Variants in SPAST observed in about 807,000 individuals in gnomAD.
SPAST encodes spastin.
SPAST carries 30 observed loss-of-function variants against 76.6 expected under a neutral mutation model. That is an observed-to-expected ratio of 0.39 (90% CI 0.29 to 0.53). SPAST has a LOEUF of 0.53. SPAST is among the 20% of genes least tolerant of loss of function. The pLI is 0.68. For synonymous variants in SPAST, 305 were observed against 281.0 expected, an observed-to-expected ratio of 1.09 and a Z score of -0.86; for missense variants, 717 against 770.5, an observed-to-expected ratio of 0.93 and a Z score of 0.82.
intron 1 of SPAST, among the ~76,000 whole-genome samples, chr2:32,070,330 A>G (rs1388252997): frequency 6.6e-6 from 1 of 151,966 alleles, no homozygotes; most frequent in Non-Finnish European, 1.5e-5. Flanking sequence ...AGCCTCCCAA[A>G]GTGCTGGGAT....
chr2:32,144,613 C>T (rs1015948982), intron 14 of SPAST, among the ~76,000 whole-genome samples: 1 of 152,068 alleles, frequency 6.6e-6, no homozygotes, highest in African/African-American at 2.4e-5. Context: ...CAGCTGGGTG[C>T]GGTGGCTCAT....
chr2:32,127,395 G>A (rs1679231804), intron 8 of SPAST: 1 of 252,568 alleles, frequency 4.0e-6, no homozygotes, highest in Admixed American at 5.0e-5. Flanking sequence ...TGGGATTACA[G>A]GCATGAGCCA....
chr2:32,125,316 A>G (rs1326352175), intron 7 of SPAST, among the ~76,000 whole-genome samples: 1 of 151,986 alleles, frequency 6.6e-6, no homozygotes, highest in East Asian at 1.9e-4. Flanking sequence ...CTCCGCCTCC[A>G]GGGTTCAAGC....
chr2:32,063,841 C>T lies in SPAST; in HGVS notation c.10C>T (p.Pro4Ser), dbSNP rs937319046. Residue 4 changes from proline (P) to serine (S), a missense_variant, in exon 1 of 17, where the codon CCG becomes TCG. Physicochemically the swap from Pro to Ser is moderately conservative, Grantham distance 74. Transcript: ENST00000315285. MNS[P>S]GGRGKKKGSG... ...GCAGTGAGAGCTGTGAATGAATTCT[C>T]CGGGTGGACGAGGGAAGAAGAAAGG... The T allele has an allele frequency of 8.2e-6, 13 of 1,576,456 alleles. No individual in the cohort carries two copies. Among genetic ancestry groups the T allele is most frequent in the Non-Finnish European group, 1.1e-5 (13 of 1,168,928 alleles).
At chr2:32,154,208 A>G (rs1275097634) in intron 16 of SPAST, among the ~76,000 whole-genome samples, 166 bp from the exon 17 acceptor site, 1 of 152,230 alleles carries the variant, frequency 6.6e-6, no homozygotes, top group African/African-American at 2.4e-5. Context: ...TAGCAGATCA[A>G]CATAGAAAAT....
chr2:32,131,801 T>C (rs961466953), intron 9 of SPAST, among the ~76,000 whole-genome samples: 8 of 149,790 alleles, frequency 5.3e-5, no homozygotes, highest in Non-Finnish European at 1.2e-4. Flanking sequence ...TAGCTGGGAC[T>C]ACAGGCACCC....
chr2:32,083,919 C>G (rs1677367577), intron 1 of SPAST, among the ~76,000 whole-genome samples: 1 of 150,230 alleles, frequency 6.7e-6, no homozygotes, highest in Non-Finnish European at 1.5e-5. Flanking sequence ...GCTGGGACTA[C>G]AGACACATGC....
At chr2:32,103,572 T>A (rs1381512591) in intron 4 of SPAST, among the ~76,000 whole-genome samples, 1 of 152,210 alleles carries the variant, frequency 6.6e-6, no homozygotes, top group African/African-American at 2.4e-5. Context: ...GTGTCAATTT[T>A]AGATCTTTCC....
intron 12 of SPAST, among the ~76,000 whole-genome samples, chr2:32,138,514 A>AT (rs1679615990): frequency 6.6e-6 from 1 of 151,802 alleles, no homozygotes; most frequent in African/African-American, 2.4e-5. Context: ...CTTTTTACCC[A>AT]TTTTTTAATA....
chr2:32,064,176 C>T lies in SPAST; in HGVS notation c.345C>T (p.Arg115=), dbSNP rs1436219161. The T allele has an allele frequency of 1.3e-6, 2 of 1,551,610 alleles. No homozygotes were observed. Among genetic ancestry groups the T allele is most frequent in the Non-Finnish European group, 1.7e-6 (2 of 1,148,298 alleles). The part of the protein sequence containing the change: ...PAPVPGGEAE[R]VRVFHKQAFE... ...CGGTGCCGGGCGGCGAGGCCGAGCG[C>T]GTCCGAGTCTTCCACAAACAGGCCT... is the stretch of plus-strand genomic sequence containing the variant. The change falls in exon 1 of 17, where the codon CGC becomes CGT. Residue 115 remains arginine, a synonymous_variant. Transcript: ENST00000315285.
Position 32,110,913 on chromosome 2 carries a change from G to A in SPAST, c.683-3725G>A, listed in dbSNP as rs557506453. Among the ~76,000 whole-genome samples, 74 of 61,876 alleles carry A rather than the reference G, an allele frequency of 1.2e-3. 3 individuals are homozygous for A. Among genetic ancestry groups the A allele is most frequent in the Admixed American group, 1.8e-3 (8 of 4,544 alleles). The allele number at this position is 61,876 out of a possible 152,430, so 40.6% of individuals were successfully genotyped here. A position where few individuals can be genotyped will look rare whatever the true frequency, so the allele number is the denominator to read the frequency against. On this transcript the variant is annotated intron_variant, in intron 4 of 16. Coordinates refer to ENST00000315285, the MANE Select transcript of SPAST (RefSeq NM_014946.4). ...GAGTATATATACAGTATACTATATC[G>A]TGTGTATAGAGTATATATACAGTAT...
rs375027118 is a variant in SPAST at position 32,087,517 on chromosome 2, A to G, written c.441A>G (p.Glu147=). The change falls in exon 2 of 17, where the codon GAA becomes GAG. Residue 147 remains glutamate, a synonymous_variant. Transcript: ENST00000315285. The part of the protein sequence containing the change: ...EKAGQKEQAV[E]WYKKGIEELE... ...CAGGACAGAAGGAGCAAGCTGTGGA[A>G]TGGTATAAGAAAGGTATTGAAGAAC... The G allele has an allele frequency of 5.6e-6, 9 of 1,606,972 alleles. No homozygotes were observed. The highest frequency in any genetic ancestry group is 1.3e-5 in the African/African-American group (1 of 74,744).
At chr2:32,096,059 G>A (rs1239564962) in intron 3 of SPAST, among the ~76,000 whole-genome samples, 2 of 152,212 alleles carry the variant, frequency 1.3e-5, no homozygotes, top group Non-Finnish European at 2.9e-5. Flanking sequence ...AGGTAAAGCA[G>A]CAAAGTTACT....
rs1408110711 is a variant in SPAST at position 32,157,212 on chromosome 2, TA to T, written c.*2717del. On this transcript the variant is annotated 3_prime_UTR_variant, in exon 17 of 17. Coordinates refer to ENST00000315285, the MANE Select transcript of SPAST (RefSeq NM_014946.4). ...GAGTTTTGTAAACTAAATTAAAACT[TA>T]CTGATATATTGGACTTTGAGCCAAG... 6.6e-6 allele frequency: 1 copy of T among 152,630 alleles called. No individual in the cohort carries two copies. The highest frequency in any genetic ancestry group is 2.4e-5 in the African/African-American group (1 of 41,460). 9.5% of individuals were successfully genotyped at this position (152,630 alleles called of 1,614,324 possible). A position where few individuals can be genotyped will look rare whatever the true frequency, so the allele number is the denominator to read the frequency against.
intron 4 of SPAST, among the ~76,000 whole-genome samples, chr2:32,109,720 A>G (rs1678460323): frequency 6.7e-6 from 1 of 149,152 alleles, no homozygotes; most frequent in Non-Finnish European, 1.5e-5. Context: ...ACTAAAAATA[A>G]CTATATGTAT....
chr2:32,113,081 C>T (rs932612341), intron 4 of SPAST, among the ~76,000 whole-genome samples: 1 of 152,014 alleles, frequency 6.6e-6, no homozygotes, highest in Admixed American at 6.6e-5. Context: ...TAATACTTAG[C>T]ATATGTAAAA....
chr2:32,110,011 CTA>C (rs981027036), intron 4 of SPAST, among the ~76,000 whole-genome samples: 30 of 146,040 alleles, frequency 2.1e-4, no homozygotes, highest in Admixed American at 8.2e-4. Flanking sequence ...ATCAAAATAA[CTA>C]TGTATATATA....
At position 32,154,766 on chromosome 2, in the gene SPAST, G is replaced by T; in HGVS notation, c.*270G>T. On this transcript the variant is annotated 3_prime_UTR_variant, in exon 17 of 17. Transcript: ENST00000315285. ...TAGAGCACAACAAAACCTGATTCTG[G>T]TCTTCTTTACCAATATAATCATAAT... 4.7e-6 allele frequency: 2 copies of T among 424,910 alleles called. No individual in the cohort carries two copies. Among genetic ancestry groups the T allele is most frequent in the Non-Finnish European group, 8.6e-6 (2 of 233,514 alleles). 26.3% of individuals were successfully genotyped at this position (424,910 alleles called of 1,614,324 possible).
chr2:32,129,046 G>A (rs1456961882), intron 9 of SPAST: 1 of 161,258 alleles, frequency 6.2e-6, no homozygotes, highest in South Asian at 1.7e-4. Flanking sequence ...ACATTCATAG[G>A]TACTAGGGAT....
Sources: allele counts gnomAD v4.1 joint callset (sites outside exome capture counted in the v4.1 genomes callset), GRCh38; gene constraint gnomAD v4.1.1; transcripts MANE v1.5; gene names NCBI Gene and HGNC (gene_info 2026-07-23, HGNC 2026-07-21).